The following PCDHA9 variants were observed in gnomAD, a reference collection of about 807,000 sequenced individuals.
PCDHA9 encodes protocadherin alpha 9.
PCDHA9 carries 62 observed loss-of-function variants against 62.0 expected under a neutral mutation model. The ratio of observed to expected loss-of-function variants is 1.00; its 90% CI spans 0.81 to 1.23. The LOEUF is 1.23. PCDHA9 is among the 50% of genes most tolerant of loss of function. The pLI, the probability that PCDHA9 is intolerant of heterozygous loss-of-function variation, is 0.00. For missense variants in PCDHA9, 1,205 were observed against 1,249.8 expected (o/e 0.96, Z 0.54); for synonymous variants, 557 against 567.6 (o/e 0.98, Z 0.27).
At chr5:140,968,116 A>C in intron 1 of PCDHA9, 1 of 1,614,174 alleles carries the variant, frequency 6.2e-7, no homozygotes, top group South Asian at 1.1e-5. Context: ...CGCAGCTCAC[A>C]TCCCTGCGTA....
At chr5:140,964,425 A>C (rs1440321322) in intron 1 of PCDHA9, among the ~76,000 whole-genome samples, 1 of 152,178 alleles carries the variant, frequency 6.6e-6, no homozygotes, top group East Asian at 1.9e-4. Context: ...TCCATTAAAA[A>C]ATTACCAAGC....
intron 1 of PCDHA9, chr5:140,871,435 G>T: frequency 6.2e-7 from 1 of 1,612,454 alleles, no homozygotes; most frequent in Non-Finnish European, 8.5e-7. Context: ...TCTTCCTCTA[G>T]GTCTGAATAA....
chr5:140,880,742 G>A, intron 1 of PCDHA9, among the ~76,000 whole-genome samples: 1 of 152,208 alleles, frequency 6.6e-6, no homozygotes, highest in East Asian at 1.9e-4. Flanking sequence ...AAAATGGATT[G>A]TCAGTGTAAC....
chr5:140,870,657 G>A (rs782619046), intron 1 of PCDHA9: 1 of 1,612,514 alleles, frequency 6.2e-7, no homozygotes, highest in East Asian at 2.2e-5. Context: ...AGGTGTACGC[G>A]CTGCAGCCGT....
intron 1 of PCDHA9, among the ~76,000 whole-genome samples, chr5:140,952,538 T>C (rs558395294): frequency 6.6e-6 from 1 of 152,256 alleles, no homozygotes; most frequent in South Asian, 2.1e-4. Flanking sequence ...AGACTGGACT[T>C]CTTTGTCCAT....
At chr5:140,922,316 A>G (rs983729529) in intron 1 of PCDHA9, among the ~76,000 whole-genome samples, 5 of 152,248 alleles carry the variant, frequency 3.3e-5, no homozygotes, top group Middle Eastern at 3.2e-3. Context: ...TTCACTGAAG[A>G]TCTTGGAAAG....
intron 1 of PCDHA9, among the ~76,000 whole-genome samples, chr5:140,898,151 CT>C (rs2066567806): frequency 6.6e-6 from 1 of 152,158 alleles, no homozygotes; most frequent in Admixed American, 6.5e-5. Context: ...CCTGTTCACG[CT>C]GATGGTGGTT....
intron 1 of PCDHA9, among the ~76,000 whole-genome samples, chr5:140,879,472 G>T (rs546855959): frequency 6.6e-6 from 1 of 152,318 alleles, no homozygotes; most frequent in South Asian, 2.1e-4. Context: ...GAATACCGTT[G>T]TGATTGGAAA....
chr5:140,966,278 T>A, intron 1 of PCDHA9: 1 of 363,192 alleles, frequency 2.8e-6, no homozygotes, highest in Non-Finnish European at 4.9e-6. Context: ...AACTGGACAG[T>A]GGGGGTAGGG....
At chr5:140,883,634 G>C (rs782548505) in intron 1 of PCDHA9, 18 of 1,613,174 alleles carry the variant, frequency 1.1e-5, no homozygotes, top group African/African-American at 5.4e-5. Flanking sequence ...GCCGGCGTTC[G>C]CGCAGCCCGA....
At chr5:140,857,178 A>T (rs782349051) in intron 1 of PCDHA9, 2 of 1,598,472 alleles carry the variant, frequency 1.3e-6, no homozygotes, top group African/African-American at 2.7e-5. Flanking sequence ...TCTGACCATG[A>T]TTCAGGAGCC....
intron 1 of PCDHA9, chr5:140,869,884 G>C: frequency 1.9e-6 from 3 of 1,610,396 alleles, no homozygotes; most frequent in Non-Finnish European, 2.5e-6. Context: ...AGAAACTCTT[G>C]TGCTCAAACT....
chr5:140,986,945 C>T (rs1295830111), intron 3 of PCDHA9, among the ~76,000 whole-genome samples: 1 of 151,946 alleles, frequency 6.6e-6, no homozygotes, highest in Non-Finnish European at 1.5e-5. Flanking sequence ...TGGGTGTGGT[C>T]GCTCATGCCT....
At chr5:140,853,678 A>G (rs2042828793) in intron 1 of PCDHA9, 4 of 988,418 alleles carry the variant, frequency 4.0e-6, no homozygotes, top group Non-Finnish European at 3.7e-6. Flanking sequence ...CCTATGGTCA[A>G]CCTATCCTTA....
At chr5:140,886,330 T>C (rs1403720039) in intron 1 of PCDHA9, among the ~76,000 whole-genome samples, 1 of 152,192 alleles carries the variant, frequency 6.6e-6, no homozygotes, top group Admixed American at 6.5e-5. Context: ...CTGGGATACA[T>C]GTGCAGAACG....
intron 1 of PCDHA9, among the ~76,000 whole-genome samples, chr5:140,975,516 G>A (rs1310855349): frequency 6.6e-6 from 1 of 152,284 alleles, no homozygotes; most frequent in South Asian, 2.1e-4. Flanking sequence ...TGCAAAATCT[G>A]CAGTGGATAT....
intron 1 of PCDHA9, chr5:140,866,517 C>T (rs1554160368): frequency 6.6e-6 from 1 of 152,090 alleles, no homozygotes; most frequent in African/African-American, 2.4e-5. Flanking sequence ...CTTGACTAAG[C>T]CATGATAGAG....
intron 1 of PCDHA9, among the ~76,000 whole-genome samples, chr5:140,973,724 G>T (rs1272606867): frequency 6.6e-6 from 1 of 152,176 alleles, no homozygotes; most frequent in Non-Finnish European, 1.5e-5. Context: ...CATCACATGG[G>T]CATCTGGTCT....
At chr5:140,860,772 C>G (rs1554153719) in intron 1 of PCDHA9, 1 of 152,248 alleles carries the variant, frequency 6.6e-6, no homozygotes, top group African/African-American at 2.4e-5. Context: ...GAGTCTCGCT[C>G]TGTTGCCCAG....
Sources: allele counts gnomAD v4.1 joint callset (sites outside exome capture counted in the v4.1 genomes callset), GRCh38; gene constraint gnomAD v4.1.1; transcripts MANE v1.5; gene names NCBI Gene and HGNC (gene_info 2026-07-23, HGNC 2026-07-21).